TTC23L: variants seen among roughly 807,000 people sequenced by gnomAD.
TTC23L encodes tetratricopeptide repeat protein 23-like.
TTC23L carries 42 observed loss-of-function variants against 48.1 expected under a neutral mutation model. That is an observed-to-expected ratio of 0.87 (90% CI 0.68 to 1.13). The LOEUF (loss-of-function observed/expected upper bound fraction) is 1.13. TTC23L is among the 50% of genes most tolerant of loss of function. The pLI, the probability that TTC23L is intolerant of heterozygous loss-of-function variation, is 0.00. For missense variants in TTC23L, 391 were observed against 421.0 expected (o/e 0.93, Z 0.62); for synonymous variants, 159 against 157.2 (o/e 1.01, Z -0.09).
intron 9 of TTC23L, among the ~76,000 whole-genome samples, chr5:34,894,379 G>T (rs973543575): frequency 3.9e-5 from 6 of 152,102 alleles, no homozygotes; most frequent in African/African-American, 1.4e-4. Context: ...TGTCATGGAA[G>T]AATATTCCCA....
intron 9 of TTC23L, among the ~76,000 whole-genome samples, chr5:34,895,699 G>C (rs1024127583): frequency 6.6e-6 from 1 of 152,186 alleles, no homozygotes; most frequent in Admixed American, 6.5e-5. Context: ...CTTTTGGGCT[G>C]AGGGGCTGGA....
At chr5:34,895,247 A>G (rs375865619) in intron 9 of TTC23L, among the ~76,000 whole-genome samples, 4 of 152,222 alleles carry the variant, frequency 2.6e-5, no homozygotes, top group African/African-American at 7.2e-5. Context: ...ACCACTTTCT[A>G]TGTGCCATTA....
intron 4 of TTC23L, among the ~76,000 whole-genome samples, chr5:34,854,583 A>G (rs1759967522): frequency 6.6e-6 from 1 of 152,174 alleles, no homozygotes; most frequent in Admixed American, 6.5e-5. Context: ...TGGACAGAAT[A>G]TATAAGCTGG....
the TTC23L span, chr5:34,909,439 GA>G: frequency 2.1e-6 from 2 of 930,586 alleles, no homozygotes; most frequent in African/African-American, 3.3e-5. Context: ...ACTTCCTTAA[GA>G]AATTCATACT....
At chr5:34,915,617 C>A in the TTC23L span, 3 of 1,233,988 alleles carry the variant, frequency 2.4e-6, no homozygotes, top group South Asian at 1.7e-5. Flanking sequence ...CGGAAGGAGG[C>A]GGCACAGACC....
chr5:34,915,508 G>C, the TTC23L span: 42 of 468,582 alleles, frequency 9.0e-5, 1 homozygote, highest in South Asian at 1.4e-3. Flanking sequence ...AGGAAGTGAA[G>C]CCAGTCCCGC....
At chr5:34,845,820 T>A (rs977895763) in intron 3 of TTC23L, 147 bp downstream of exon 3, 1 of 810,852 alleles carries the variant, frequency 1.2e-6, no homozygotes, top group African/African-American at 1.7e-5. Context: ...AAGCAGAGCC[T>A]ACTTAGGTAG....
chr5:34,885,596 T>C (rs776567209), intron 9 of TTC23L, among the ~76,000 whole-genome samples: 2 of 151,824 alleles, frequency 1.3e-5, no homozygotes, highest in Non-Finnish European at 2.9e-5. Context: ...AATAAATAAA[T>C]AAATAAGCTG....
chr5:34,913,846 AT>A, the TTC23L span: 5 of 490,028 alleles, frequency 1.0e-5, no homozygotes, highest in Non-Finnish European at 2.0e-5. Context: ...AAATAGACGA[AT>A]GACTTGATAA....
At chr5:34,920,831 GTTTTTT>G in the TTC23L span, 5 of 143,542 alleles carry the variant, frequency 3.5e-5, no homozygotes, top group Non-Finnish European at 6.2e-5. Context: ...CAAAAGTTTT[GTTTTTT>G]TTTTTTAAGT....
chr5:34,862,661 T>A (rs544819728), intron 4 of TTC23L, among the ~76,000 whole-genome samples: 8 of 152,260 alleles, frequency 5.3e-5, no homozygotes, highest in African/African-American at 1.7e-4. Context: ...AAATTAGAGA[T>A]TCCTGGACCC....
downstream of TTC23L, among the ~76,000 whole-genome samples, chr5:34,903,122 G>A (rs965658096): frequency 3.3e-5 from 5 of 152,100 alleles, no homozygotes; most frequent in Admixed American, 3.3e-4. Context: ...AAATTTTATG[G>A]TGTACCTGTT....
chr5:34,847,839 G>GT (rs1295867194), intron 3 of TTC23L, among the ~76,000 whole-genome samples: 1 of 152,204 alleles, frequency 6.6e-6, no homozygotes, highest in African/African-American at 2.4e-5. Flanking sequence ...CAGGGGGCAG[G>GT]TAAAACATGA....
chr5:34,840,859 C>A, intron 2 of TTC23L, 120 bp downstream of exon 2: 2 of 906,218 alleles, frequency 2.2e-6, no homozygotes, highest in Non-Finnish European at 3.6e-6. Flanking sequence ...CCAGCCTGAC[C>A]AACATGGTGA....
chr5:34,883,496 C>G (rs1762369503), intron 9 of TTC23L: 4 of 174,722 alleles, frequency 2.3e-5, no homozygotes, highest in Admixed American at 2.2e-4. Flanking sequence ...TGGGAAAGAG[C>G]CTGAGCTGCT....
chr5:34,867,286 T>C (rs534648367), intron 7 of TTC23L: 12 of 595,460 alleles, frequency 2.0e-5, no homozygotes, highest in South Asian at 3.9e-5. Context: ...TGCTGTGTCA[T>C]TGGCTGTGCA....
At position 34,863,846 on chromosome 5, in the gene TTC23L, T is replaced by TC. The variant is rs1760858389; in HGVS notation, c.537-590dup. Among the ~76,000 whole-genome samples the TC allele has an allele frequency of 6.6e-6, 1 of 152,150 alleles. No homozygotes were observed. Among genetic ancestry groups the TC allele is most frequent in the African/African-American group, 2.4e-5 (1 of 41,426 alleles). ...TTGAGCCTATGTGTCCCCAGTCTCC[T>TC]CTCTACACATCCCCCTCTCTACTTT... On this transcript the variant is annotated intron_variant, in intron 5 of 10. Coordinates refer to ENST00000505624, the Ensembl canonical transcript of TTC23L. This position sits in a 1 kb window ranked among gnomAD's most constrained non-coding sequence, Gnocchi z 4.1.
At chr5:34,918,461 C>G in the TTC23L span, 2 of 1,598,884 alleles carry the variant, frequency 1.3e-6, no homozygotes, top group Non-Finnish European at 8.5e-7. Context: ...ATGTTGATGC[C>G]TCATTCTAAA....
At chr5:34,889,899 C>T (rs953051912) in intron 9 of TTC23L, among the ~76,000 whole-genome samples, 4 of 151,404 alleles carry the variant, frequency 2.6e-5, no homozygotes, top group African/African-American at 7.3e-5. Context: ...AGTGCAGTGG[C>T]GCGATCTTGG....
Sources: gnomAD v4.1 joint callset for allele counts (sites outside exome capture counted in the v4.1 genomes callset) on GRCh38, gnomAD v4.1.1 for gene constraint, Gnocchi (gnomAD v3.1) non-coding constraint, MANE v1.5 for transcripts, NCBI Gene and HGNC (gene_info 2026-07-23, HGNC 2026-07-21) for gene names.